The following DGKB variants were observed in gnomAD, a reference collection of about 807,000 sequenced individuals.
DGKB encodes diacylglycerol kinase beta.
Under a neutral mutation model 114.3 loss-of-function variants are expected in DGKB, and 67 were observed. The ratio of observed to expected loss-of-function variants is 0.59; its 90% confidence interval spans 0.48 to 0.72. The LOEUF (loss-of-function observed/expected upper bound fraction) is 0.72, where lower values mean the gene tolerates loss of function less well. Among genes scored for constraint, DGKB ranks in the 30% least tolerant of loss-of-function variants. The pLI is 0.00. For synonymous variants in DGKB, 398 were observed against 323.1 expected (o/e 1.23, Z -2.49); for missense variants, 907 against 975.2 (o/e 0.93, Z 0.93).
At chr7:14,233,133 T>C (rs927087563) in intron 23 of DGKB, among the ~76,000 whole-genome samples, 7 of 151,994 alleles carry the variant, frequency 4.6e-5, no homozygotes, top group South Asian at 2.1e-4. Context: ...GGGAACACAC[T>C]GAAGATCCCT....
At chr7:14,613,816 C>T (rs1206528706) in intron 15 of DGKB, among the ~76,000 whole-genome samples, 2 of 151,986 alleles carry the variant, frequency 1.3e-5, no homozygotes, top group Non-Finnish European at 1.5e-5. Context: ...GAGAGGCCTC[C>T]TTTTACGCAG....
intron 6 of DGKB, among the ~76,000 whole-genome samples, chr7:14,710,954 G>A (rs918042007): frequency 1.3e-5 from 2 of 151,788 alleles, no homozygotes; most frequent in Admixed American, 1.3e-4. Context: ...ATATATGAAT[G>A]GCTTGTACTT....
chr7:14,739,629 C>A (rs542600517), intron 4 of DGKB, among the ~76,000 whole-genome samples: 1 of 152,238 alleles, frequency 6.6e-6, no homozygotes, highest in South Asian at 2.1e-4. Flanking sequence ...ATTTGATGGC[C>A]TATATGGGGA....
chr7:14,611,737 T>G (rs1323550564), intron 16 of DGKB, among the ~76,000 whole-genome samples: 1 of 151,746 alleles, frequency 6.6e-6, no homozygotes, highest in Non-Finnish European at 1.5e-5. Context: ...TAGGGAAAAT[T>G]ATTTATATGT....
intron 15 of DGKB, among the ~76,000 whole-genome samples, chr7:14,613,871 C>T (rs1274907737): frequency 6.6e-6 from 1 of 151,982 alleles, no homozygotes; most frequent in Non-Finnish European, 1.5e-5. Context: ...ATCCATCTTC[C>T]CAACCACCTG....
intron 2 of DGKB, among the ~76,000 whole-genome samples, chr7:14,769,070 T>TAAGAAAGAAAGAAAGA (rs5882458): frequency 6.9e-4 from 58 of 84,308 alleles, no homozygotes; most frequent in Non-Finnish European, 1.0e-3. Flanking sequence ...TTTTTAAAGA[T>TAAGAAAGAAAGAAAGA]AAGAAAGAAA....
At position 14,885,137 on chromosome 7, in the gene DGKB, C is replaced by T. The variant is rs1185800093; in HGVS notation, c.-188+17455G>A. 1.6e-4 allele frequency among the ~76,000 whole-genome samples: 24 copies of T among 151,808 alleles called. No homozygotes were observed. In the Admixed American group the frequency reaches 1.6e-3, roughly 10 times the overall value. On this transcript the variant is annotated intron_variant, in intron 1 of 25. Transcript: ENST00000402815. ...ATCTGAGCGAGGTAACTTGATGTTC[C>T]TTGAATGATGAGTAGAGCCAAAATC...
At chr7:14,974,027 C>A (rs1411675699) in intron 1 of DGKB, among the ~76,000 whole-genome samples, 2 of 151,530 alleles carry the variant, frequency 1.3e-5, no homozygotes, top group Admixed American at 1.3e-4. Context: ...TCAGATTTGG[C>A]TCAGATCAAA....
intron 2 of DGKB, among the ~76,000 whole-genome samples, chr7:14,818,693 G>T (rs891751070): frequency 1.3e-5 from 2 of 152,214 alleles, no homozygotes; most frequent in African/African-American, 4.8e-5. Flanking sequence ...TATCAGTCAG[G>T]ATTCTAAATT....
At chr7:14,731,366 G>A (rs1368004466) in intron 5 of DGKB, among the ~76,000 whole-genome samples, 1 of 152,152 alleles carries the variant, frequency 6.6e-6, no homozygotes, top group Admixed American at 6.5e-5. Flanking sequence ...GGTACGTTAT[G>A]TCTGACAGTG....
chr7:14,226,169 A>T (rs542075057), intron 23 of DGKB, among the ~76,000 whole-genome samples: 1 of 152,172 alleles, frequency 6.6e-6, no homozygotes, highest in African/African-American at 2.4e-5. Context: ...ATAAATCCAC[A>T]CACAGAGACA....
chr7:14,246,292 A>C (rs2128379108), intron 23 of DGKB, among the ~76,000 whole-genome samples: 1 of 152,326 alleles, frequency 6.6e-6, no homozygotes, highest in South Asian at 2.1e-4. Context: ...AATCTGTAAC[A>C]GGACTTTATG....
intron 20 of DGKB, among the ~76,000 whole-genome samples, chr7:14,556,051 A>G (rs908443015): frequency 6.6e-6 from 1 of 152,204 alleles, no homozygotes; most frequent in African/African-American, 2.4e-5. Context: ...TTTTCTAATT[A>G]ATTATTTCTT....
At chr7:14,653,412 A>G (rs541297346) in intron 13 of DGKB, among the ~76,000 whole-genome samples, 513 of 152,118 alleles carry the variant, frequency 3.4e-3, no homozygotes, top group Non-Finnish European at 4.5e-3. Flanking sequence ...AGAACAAAAA[A>G]CCAAACACCG....
chr7:14,465,286 G>A (rs539184238), intron 21 of DGKB, among the ~76,000 whole-genome samples: 2 of 149,346 alleles, frequency 1.3e-5, no homozygotes, highest in East Asian at 2.0e-4. Flanking sequence ...TCACATTATA[G>A]AACTATAATA....
At chr7:14,955,604 G>A (rs61048999) in intron 1 of DGKB, among the ~76,000 whole-genome samples, 2,660 of 152,062 alleles carry the variant, frequency 0.017, 67 homozygotes, top group African/African-American at 0.054. Context: ...AAAGCCTAAA[G>A]CTCCCTGCCC....
At chr7:14,530,724 ATAATTCATG>A (rs948344250) in intron 20 of DGKB, among the ~76,000 whole-genome samples, 1 of 151,554 alleles carries the variant, frequency 6.6e-6, no homozygotes, top group Non-Finnish European at 1.5e-5. Context: ...CTCACAAAGA[ATAATTCATG>A]TAACTTACAA....
chr7:14,515,484 A>T (rs1004056558), intron 20 of DGKB, among the ~76,000 whole-genome samples: 1 of 152,216 alleles, frequency 6.6e-6, no homozygotes, highest in African/African-American at 2.4e-5. Flanking sequence ...ACAATCTAAC[A>T]TGTTTAATAA....
chr7:14,256,404 T>A (rs1795973703), intron 23 of DGKB, among the ~76,000 whole-genome samples: 1 of 152,020 alleles, frequency 6.6e-6, no homozygotes, highest in South Asian at 2.1e-4. Context: ...AAATACCACT[T>A]GAAAGCCTCT....
Sources: gnomAD v4.1 joint callset for allele counts (sites outside exome capture counted in the v4.1 genomes callset) on GRCh38, gnomAD v4.1.1 for gene constraint, MANE v1.5 for transcripts, NCBI Gene and HGNC (gene_info 2026-07-23, HGNC 2026-07-21) for gene names.